ULK4: variants seen among roughly 807,000 people sequenced by gnomAD.
ULK4 encodes the protein unc-51 like kinase 4.
A neutral mutation model predicts 160.6 loss-of-function variants in ULK4; 133 were observed. The ratio of observed to expected loss-of-function variants is 0.83; its 90% CI spans 0.72 to 0.96. The LOEUF is 0.96. Ranked by LOEUF, ULK4 falls within the 40% of genes least tolerant of loss-of-function variation. ULK4 has a pLI of 0.00. For missense variants in ULK4, 1,580 were observed against 1,499.5 expected, an observed-to-expected ratio of 1.05 and a Z score of -0.89; for synonymous variants, 534 against 539.8, an observed-to-expected ratio of 0.99 and a Z score of 0.15.
chr3:41,911,932 C>T (rs1350257350), intron 9 of ULK4, among the ~76,000 whole-genome samples: 1 of 151,996 alleles, frequency 6.6e-6, no homozygotes, highest in Non-Finnish European at 1.5e-5. Context: ...GCAGACGGAT[C>T]ACTTGAACTC....
intron 34 of ULK4, among the ~76,000 whole-genome samples, chr3:41,434,877 GTACT>G (rs927604769): frequency 6.6e-6 from 1 of 152,152 alleles, no homozygotes; most frequent in South Asian, 2.1e-4. Flanking sequence ...AAAAAGTTTA[GTACT>G]TAGTCAATTT....
At chr3:41,613,043 A>G (rs534678932) in intron 31 of ULK4, among the ~76,000 whole-genome samples, 21 of 152,358 alleles carry the variant, frequency 1.4e-4, no homozygotes, top group African/African-American at 5.0e-4. Flanking sequence ...GGGTAGCCAG[A>G]AGGCATAAGT....
chr3:41,756,832 A>G (rs2038819481), intron 21 of ULK4, among the ~76,000 whole-genome samples: 1 of 152,246 alleles, frequency 6.6e-6, no homozygotes, highest in Admixed American at 6.5e-5. Context: ...AACACCAAAC[A>G]GCTCTAAGAT....
At position 41,883,742 on chromosome 3, in the gene ULK4, G is replaced by T; in HGVS notation, c.1656+132C>A. 3 of 845,990 alleles carry T rather than the reference G, an allele frequency of 3.5e-6. No individual in the cohort carries two copies. The South Asian group carries it at 4.3e-5, about 12-fold the overall frequency. 52.4% of individuals were successfully genotyped at this position (845,990 alleles called of 1,614,324 possible). ...AGCCTAAAGGTCTGTTGAGGTAACAGTTTTAGAACGATTGCCACAATCCCA... is the reference window on the plus strand; with the variant it reads ...AGCCTAAAGGTCTGTTGAGGTAACATTTTTAGAACGATTGCCACAATCCCA... On this transcript the variant is annotated intron_variant, in intron 17 of 36. Transcript: ENST00000301831.
intron 17 of ULK4, among the ~76,000 whole-genome samples, chr3:41,872,381 C>T (rs1402920466): frequency 6.6e-6 from 1 of 152,180 alleles, no homozygotes; most frequent in Middle Eastern, 3.2e-3. Flanking sequence ...AACTTGTACA[C>T]ATATTTTGTG....
intron 32 of ULK4, among the ~76,000 whole-genome samples, chr3:41,517,862 T>C (rs868759276): frequency 5.9e-5 from 9 of 152,176 alleles, no homozygotes; most frequent in South Asian, 4.1e-4. Flanking sequence ...GTATTTAGGT[T>C]GGTGCAAAGG....
intron 35 of ULK4, among the ~76,000 whole-genome samples, chr3:41,331,214 AGCTG>A (rs2080436336): frequency 6.6e-6 from 1 of 152,148 alleles, no homozygotes; most frequent in Non-Finnish European, 1.5e-5. Context: ...GCAGATGTCC[AGCTG>A]GGGGCAGGGA....
chr3:41,411,421 T>TTTC (rs1406953390), intron 34 of ULK4, among the ~76,000 whole-genome samples: 7 of 70,978 alleles, frequency 9.9e-5, no homozygotes, highest in Non-Finnish European at 5.0e-5. Context: ...CATTCCTTTC[T>TTTC]TTTTTTTTTT....
chr3:41,640,435 T>A (rs1348897134), intron 30 of ULK4, among the ~76,000 whole-genome samples: 1 of 152,168 alleles, frequency 6.6e-6, no homozygotes, highest in African/African-American at 2.4e-5. Context: ...CACAATGCTT[T>A]CATGCCATCT....
At chr3:41,663,369 C>T (rs1222263729) in intron 30 of ULK4, among the ~76,000 whole-genome samples, 1 of 152,146 alleles carries the variant, frequency 6.6e-6, no homozygotes, top group African/African-American at 2.4e-5. Context: ...AAGAAGTTAT[C>T]ATTTTAAAGC....
intron 31 of ULK4, among the ~76,000 whole-genome samples, chr3:41,591,494 T>TA (rs57967274): frequency 0.28 from 40,144 of 143,652 alleles, 5,931 homozygotes; most frequent in Middle Eastern, 0.36. Context: ...CTGATGAGCT[T>TA]AAAAAAAAAA....
intron 35 of ULK4, among the ~76,000 whole-genome samples, chr3:41,395,649 T>C (rs1000211644): frequency 6.6e-6 from 1 of 152,148 alleles, no homozygotes; most frequent in Admixed American, 6.6e-5. Flanking sequence ...TATTGTTTAA[T>C]AGGCACAGAG....
At chr3:41,459,452 A>G (rs1019232609) in intron 33 of ULK4, among the ~76,000 whole-genome samples, 4 of 152,132 alleles carry the variant, frequency 2.6e-5, no homozygotes, top group Non-Finnish European at 5.9e-5. Context: ...ATTCAATTCA[A>G]CACTTACTGT....
chr3:41,469,920 A>C (rs1463062969), intron 32 of ULK4, among the ~76,000 whole-genome samples: 1 of 150,108 alleles, frequency 6.7e-6, no homozygotes, highest in Non-Finnish European at 1.5e-5. Flanking sequence ...ATAAATAAAT[A>C]AGTAAATAAA....
At chr3:41,496,319 T>C (rs1172272731) in intron 32 of ULK4, among the ~76,000 whole-genome samples, 7 of 152,102 alleles carry the variant, frequency 4.6e-5, no homozygotes, top group Non-Finnish European at 1.0e-4. Context: ...CCTTCTATCA[T>C]AAACATTAAG....
intron 32 of ULK4, among the ~76,000 whole-genome samples, chr3:41,522,832 T>C (rs773825334): frequency 1.4e-4 from 22 of 152,206 alleles, no homozygotes; most frequent in African/African-American, 4.8e-4. Context: ...GCCAGCTGTG[T>C]GCCAGCTGTG....
intron 3 of ULK4, among the ~76,000 whole-genome samples, chr3:41,936,927 A>G (rs753842368): frequency 5.3e-5 from 8 of 152,222 alleles, no homozygotes; most frequent in Non-Finnish European, 1.2e-4. Flanking sequence ...GGATTGTAAC[A>G]CAAAGGATAA....
intron 2 of ULK4, among the ~76,000 whole-genome samples, chr3:41,949,153 A>C (rs1700204785): frequency 6.6e-6 from 1 of 151,862 alleles, no homozygotes; most frequent in Non-Finnish European, 1.5e-5. Context: ...CTAAAAATAC[A>C]AAAAAATTAG....
At chr3:41,339,347 C>T (rs1404800585) in intron 35 of ULK4, among the ~76,000 whole-genome samples, 1 of 152,122 alleles carries the variant, frequency 6.6e-6, no homozygotes, top group African/African-American at 2.4e-5. Context: ...CACAATGCCC[C>T]TTGCCAATGA....
Sources: gnomAD v4.1 joint callset for allele counts (sites outside exome capture counted in the v4.1 genomes callset) on GRCh38, gnomAD v4.1.1 for gene constraint, MANE v1.5 for transcripts, NCBI Gene and HGNC (gene_info 2026-07-23, HGNC 2026-07-21) for gene names.